ALMS1: variants seen among roughly 807,000 people sequenced by gnomAD.
The protein encoded by ALMS1 is centrosome-associated protein ALMS1.
In ALMS1, 271 loss-of-function variants were observed where a neutral mutation model predicts 352.2. The ratio of observed to expected loss-of-function variants is 0.77; its 90% CI spans 0.70 to 0.85. The LOEUF is 0.85. Ranked by LOEUF, ALMS1 falls within the 40% of genes least tolerant of loss-of-function variation. ALMS1 has a pLI of 0.00. For missense variants in ALMS1, 5,445 were observed against 4,870.7 expected (o/e 1.12, Z -3.51); for synonymous variants, 1,865 against 1,761.2 (o/e 1.06, Z -1.48).
chr2:73,565,461 G>A (rs764163251), intron 15 of ALMS1, among the ~76,000 whole-genome samples: 8 of 152,134 alleles, frequency 5.3e-5, no homozygotes, highest in African/African-American at 1.4e-4. Context: ...AAATAAATGG[G>A]GGGAAATGAC....
At position 73,478,527 on chromosome 2, in the gene ALMS1, TATGTC is replaced by T. The variant is rs1672628235; in HGVS notation, c.7675-11105_7675-11101del. On this transcript the variant is annotated intron_variant, in intron 9 of 22. Transcript: ENST00000613296. ...AATTCGGATATTTGCTTCCCACTGA[TATGTC>T]AGGAGGTATCAAGGCAATAAGAAGC... Among the ~76,000 whole-genome samples, 3 of 152,148 alleles carry T rather than the reference TATGTC, an allele frequency of 2.0e-5. No individual in the cohort carries two copies. The South Asian group carries it at 6.2e-4, about 32-fold the overall frequency.
chr2:73,478,845 G>A (rs1364506724), intron 9 of ALMS1, among the ~76,000 whole-genome samples: 2 of 151,818 alleles, frequency 1.3e-5, no homozygotes, highest in African/African-American at 4.8e-5. Context: ...CCTTGCCCCT[G>A]ACCCCACCGA....
intron 10 of ALMS1, among the ~76,000 whole-genome samples, chr2:73,519,568 A>G (rs1673628927): frequency 6.6e-6 from 1 of 152,234 alleles, no homozygotes; most frequent in Non-Finnish European, 1.5e-5. Context: ...GTAGGTTTTA[A>G]GATAAAAGTA....
intron 12 of ALMS1, among the ~76,000 whole-genome samples, chr2:73,545,519 A>G (rs978750534): frequency 6.6e-6 from 1 of 152,224 alleles, no homozygotes; most frequent in Non-Finnish European, 1.5e-5. Flanking sequence ...CAGTTAAAAA[A>G]ACTTAAGAAG....
chr2:73,394,492 G>C (rs763715323), intron 1 of ALMS1, among the ~76,000 whole-genome samples: 12 of 152,112 alleles, frequency 7.9e-5, no homozygotes, highest in Non-Finnish European at 1.6e-4. Flanking sequence ...TGGGATTACA[G>C]ATGCACACCA....
intron 15 of ALMS1, among the ~76,000 whole-genome samples, chr2:73,565,895 G>A (rs1640873164): frequency 6.6e-6 from 1 of 152,182 alleles, no homozygotes; most frequent in African/African-American, 2.4e-5. Context: ...ACAGACCTAA[G>A]AGAAGCCTAA....
chr2:73,515,710 G>C (rs1256273546), intron 10 of ALMS1, among the ~76,000 whole-genome samples: 2 of 148,302 alleles, frequency 1.3e-5, no homozygotes, highest in African/African-American at 5.0e-5. Context: ...GAAAAAAGAA[G>C]ACAAAATAAG....
intron 7 of ALMS1, among the ~76,000 whole-genome samples, chr2:73,445,835 C>G (rs370981448): frequency 1.3e-5 from 2 of 152,080 alleles, no homozygotes; most frequent in Admixed American, 6.6e-5. Flanking sequence ...CTCTTCAACT[C>G]ACCCCTAGTT....
chr2:73,463,095 C>T (rs1672243961), intron 9 of ALMS1, among the ~76,000 whole-genome samples: 1 of 152,202 alleles, frequency 6.6e-6, no homozygotes, highest in Admixed American at 6.5e-5. Context: ...TTCAGCTCTG[C>T]ACCAAGCAGA....
rs543597396 is a variant in ALMS1 at position 73,449,670 on chromosome 2, G to A, written c.3143G>A (p.Ser1048Asn). 7.4e-6 allele frequency: 12 copies of A among 1,613,806 alleles called. No individual in the cohort carries two copies. Among genetic ancestry groups the A allele is most frequent in the Non-Finnish European group, 1.0e-5 (12 of 1,179,922 alleles). The change falls in exon 8 of 23, where the codon AGT becomes AAT. Residue 1048 changes from serine (S) to asparagine (N), a missense_variant. By Grantham distance (46) the Ser-to-Asn change is conservative. Coordinates refer to ENST00000613296, the MANE Select transcript of ALMS1 (RefSeq NM_001378454.1). ...ACTGAGATACCAGCAGTACAGTCTAGTTCTTACCCACAGAGGGAGAAGCCT... is the reference window on the plus strand; with the variant it reads ...ACTGAGATACCAGCAGTACAGTCTAATTCTTACCCACAGAGGGAGAAGCCT... ...QKTEIPAVQS[S>N]SYPQREKPSV...
intron 16 of ALMS1, among the ~76,000 whole-genome samples, chr2:73,595,685 G>T (rs1454861837): frequency 2.0e-5 from 3 of 152,170 alleles, no homozygotes; most frequent in Non-Finnish European, 4.4e-5. Context: ...ATAGGTTTAT[G>T]TTTAACTTTA....
At chr2:73,401,853 T>C (rs1203028096) in intron 1 of ALMS1, among the ~76,000 whole-genome samples, 1 of 152,194 alleles carries the variant, frequency 6.6e-6, no homozygotes, top group Admixed American at 6.5e-5. Flanking sequence ...CCTCCCCTGT[T>C]CCTCACTTCT....
Position 73,534,813 on chromosome 2 carries a change from T to C in ALMS1, c.9782-11T>C. The stretch of plus-strand genomic sequence containing the variant: ...TTTTCATATTAATTGTTCTGATTTT[T>C]ACCTCCTTAGGCCAGCCTTTATTAT... On this transcript the variant is annotated splice_polypyrimidine_tract_variant and intron_variant, in intron 11 of 22. Coordinates refer to ENST00000613296, the MANE Select transcript of ALMS1 (RefSeq NM_001378454.1). 6.2e-7 allele frequency: 1 copy of C among 1,612,674 alleles called. No individual in the cohort carries two copies. Among genetic ancestry groups the C allele is most frequent in the Non-Finnish European group, 8.5e-7 (1 of 1,178,828 alleles).
At chr2:73,455,417 T>C in intron 9 of ALMS1, 122 bp downstream of exon 9, 1 of 1,292,592 alleles carries the variant, frequency 7.7e-7, no homozygotes, top group Non-Finnish European at 1.1e-6. Context: ...TTTTTGGTTT[T>C]GTTTTTGAGA....
chr2:73,406,565 G>A (rs888370950), intron 1 of ALMS1, among the ~76,000 whole-genome samples: 3 of 149,252 alleles, frequency 2.0e-5, no homozygotes, highest in Non-Finnish European at 4.4e-5. Flanking sequence ...TTCCTTTTGT[G>A]TATATTCTGT....
chr2:73,497,317 A>T (rs779748914), intron 10 of ALMS1, among the ~76,000 whole-genome samples: 11 of 151,824 alleles, frequency 7.2e-5, no homozygotes, highest in Non-Finnish European at 1.5e-4. Flanking sequence ...TCATTTCAGT[A>T]GTTTTTGGGA....
chr2:73,466,896 A>G (rs1672360828), intron 9 of ALMS1, among the ~76,000 whole-genome samples: 2 of 152,136 alleles, frequency 1.3e-5, no homozygotes, highest in Non-Finnish European at 1.5e-5. Flanking sequence ...AATTTTTTCC[A>G]AGTTTCTTAA....
At chr2:73,541,653 CAAAT>C (rs1206239550) in intron 12 of ALMS1, among the ~76,000 whole-genome samples, 1 of 152,084 alleles carries the variant, frequency 6.6e-6, no homozygotes, top group Non-Finnish European at 1.5e-5. Context: ...AGAGAAGAAT[CAAAT>C]AGACGCAATA....
intron 9 of ALMS1, among the ~76,000 whole-genome samples, chr2:73,460,874 A>G (rs1307568069): frequency 2.0e-5 from 3 of 152,230 alleles, no homozygotes; most frequent in Admixed American, 6.5e-5. Flanking sequence ...ACTGCAAGGC[A>G]GCAGCGAGGC....
Sources: allele counts gnomAD v4.1 joint callset (sites outside exome capture counted in the v4.1 genomes callset), GRCh38; gene constraint gnomAD v4.1.1; transcripts MANE v1.5; gene names NCBI Gene and HGNC (gene_info 2026-07-23, HGNC 2026-07-21).